Variants in AUTS2 observed in about 807,000 individuals in gnomAD.
AUTS2 encodes the protein activator of transcription and developmental regulator AUTS2.
In AUTS2, 17 loss-of-function variants were observed where a neutral mutation model predicts 112.4. That is an observed-to-expected ratio of 0.15 (90% confidence interval 0.10 to 0.23). AUTS2 has a LOEUF of 0.23. Ranked by LOEUF, AUTS2 falls within the 10% of genes least tolerant of loss-of-function variation. The pLI, the probability that AUTS2 is intolerant of heterozygous loss-of-function variation, is 1.00. For synonymous variants in AUTS2, 751 were observed against 702.7 expected, an observed-to-expected ratio of 1.07 and a Z score of -1.09; for missense variants, 1,510 against 1,701.6, an observed-to-expected ratio of 0.89 and a Z score of 1.98.
At chr7:70,025,346 C>A (rs769688986) in intron 2 of AUTS2, among the ~76,000 whole-genome samples, 16 of 151,974 alleles carry the variant, frequency 1.1e-4, no homozygotes, top group Non-Finnish European at 2.1e-4. Flanking sequence ...ATACTCTCTT[C>A]TGTATCTGCT....
intron 2 of AUTS2, among the ~76,000 whole-genome samples, chr7:69,986,954 G>A (rs1034509579): frequency 2.6e-5 from 4 of 152,076 alleles, no homozygotes; most frequent in Non-Finnish European, 4.4e-5. Context: ...TAGTAGGTTC[G>A]ATATTTAGGA....
chr7:70,258,153 G>A (rs1786980172), intron 4 of AUTS2, among the ~76,000 whole-genome samples: 1 of 152,230 alleles, frequency 6.6e-6, no homozygotes, highest in African/African-American at 2.4e-5. Context: ...GTCAGCACAG[G>A]TTACTCGCTA....
intron 1 of AUTS2, among the ~76,000 whole-genome samples, chr7:69,744,857 A>T (rs1787421195): frequency 6.6e-6 from 1 of 152,158 alleles, no homozygotes; most frequent in Non-Finnish European, 1.5e-5. Context: ...AATATTGCTT[A>T]GAATTTCTAT....
intron 4 of AUTS2, among the ~76,000 whole-genome samples, chr7:70,319,576 T>C (rs1344652784): frequency 6.6e-6 from 1 of 152,192 alleles, no homozygotes; most frequent in Non-Finnish European, 1.5e-5. Flanking sequence ...GTTTGCTAAG[T>C]CTCTCCTGTG....
intron 3 of AUTS2, chr7:70,118,816 A>G (rs1202774946): frequency 2.0e-5 from 3 of 152,162 alleles, no homozygotes; most frequent in Non-Finnish European, 4.4e-5. Context: ...CTGGAAGGAA[A>G]ACCTTGTGAG....
chr7:70,247,616 C>G (rs1458140891), intron 4 of AUTS2, among the ~76,000 whole-genome samples: 1 of 152,166 alleles, frequency 6.6e-6, no homozygotes, highest in African/African-American at 2.4e-5. Context: ...GATTTTGAAT[C>G]TAGCAACCTT....
At chr7:70,676,596 G>T (rs1277256772) in intron 5 of AUTS2, among the ~76,000 whole-genome samples, 3 of 152,066 alleles carry the variant, frequency 2.0e-5, no homozygotes, top group Non-Finnish European at 2.9e-5. Flanking sequence ...CACCTTTCTG[G>T]CCGGGTGCGC....
chr7:70,363,465 G>GAAAAAAAAAAAAAAAAA (rs369462886), intron 4 of AUTS2, among the ~76,000 whole-genome samples: 6 of 110,740 alleles, frequency 5.4e-5, no homozygotes, highest in South Asian at 2.5e-4. Flanking sequence ...ATAAAAAAAA[G>GAAAAAAAAAAAAAAAAA]AAAAAAAAAA....
intron 2 of AUTS2, among the ~76,000 whole-genome samples, chr7:69,914,191 G>A (rs879143416): frequency 6.6e-6 from 1 of 152,088 alleles, no homozygotes; most frequent in African/African-American, 2.4e-5. Flanking sequence ...CACAGTGTTT[G>A]TAGCACATTG....
chr7:70,198,288 C>T (rs2129585010), intron 4 of AUTS2, among the ~76,000 whole-genome samples: 1 of 149,872 alleles, frequency 6.7e-6, no homozygotes, highest in East Asian at 2.0e-4. Flanking sequence ...GAGCGCCTCT[C>T]CTCCTCCAAA....
chr7:69,863,342 A>G (rs1793076834), intron 1 of AUTS2, among the ~76,000 whole-genome samples: 1 of 152,172 alleles, frequency 6.6e-6, no homozygotes, highest in Admixed American at 6.5e-5. Context: ...GATTTAAAAC[A>G]TATGGGAGGA....
intron 5 of AUTS2, among the ~76,000 whole-genome samples, chr7:70,554,295 C>T (rs1801152112): frequency 6.6e-6 from 1 of 151,516 alleles, no homozygotes; most frequent in African/African-American, 2.4e-5. Context: ...TCTCGAACTC[C>T]TGACCTCAGG....
At chr7:70,518,142 A>C (rs1334063618) in intron 5 of AUTS2, among the ~76,000 whole-genome samples, 1 of 152,240 alleles carries the variant, frequency 6.6e-6, no homozygotes, top group Non-Finnish European at 1.5e-5. Context: ...AGCCTGGCTA[A>C]ATTTATTCTA....
intron 4 of AUTS2, among the ~76,000 whole-genome samples, chr7:70,229,767 T>C (rs112895099): frequency 7.7e-6 from 1 of 129,066 alleles, no homozygotes. Flanking sequence ...TTTTTCCCCC[T>C]GTTCTTCAGA....
intron 5 of AUTS2, among the ~76,000 whole-genome samples, chr7:70,670,060 C>T (rs977688268): frequency 1.3e-5 from 2 of 152,200 alleles, no homozygotes; most frequent in African/African-American, 4.8e-5. Context: ...ACTGTAGGCG[C>T]ACCTCAGGCA....
At position 70,038,466 on chromosome 7, in the gene AUTS2, C is replaced by T. The variant is rs142254493; in HGVS notation, c.523-79666C>T. 2.3e-3 allele frequency among the ~76,000 whole-genome samples: 348 copies of T among 152,194 alleles called. 3 individuals carry two copies. Among genetic ancestry groups the T allele is most frequent in the African/African-American group, 8.2e-3 (342 of 41,504 alleles). On this transcript the variant is annotated intron_variant, in intron 2 of 18. Transcript: ENST00000342771. ...AGAAACGTTGACTGGTGATTTATAC[C>T]TTATACCCTCTCATTAAACACTCTT... is the stretch of plus-strand genomic sequence containing the variant.
chr7:70,746,117 T>A (rs1468534308), intron 6 of AUTS2, among the ~76,000 whole-genome samples: 1 of 152,118 alleles, frequency 6.6e-6, no homozygotes, highest in Non-Finnish European at 1.5e-5. Context: ...TTGTGTGTAT[T>A]AAAATATGAA....
intron 2 of AUTS2, among the ~76,000 whole-genome samples, chr7:69,976,099 T>C (rs1189666984): frequency 3.3e-5 from 5 of 152,244 alleles, no homozygotes; most frequent in Non-Finnish European, 7.3e-5. Flanking sequence ...GTGAAACACA[T>C]ATCCAGAAGT....
chr7:70,552,285 C>T (rs1801047057), intron 5 of AUTS2, among the ~76,000 whole-genome samples: 1 of 152,030 alleles, frequency 6.6e-6, no homozygotes, highest in African/African-American at 2.4e-5. Flanking sequence ...TTTTTCCCTC[C>T]CAGAAGCTAA....
Sources: allele counts gnomAD v4.1 joint callset (sites outside exome capture counted in the v4.1 genomes callset), GRCh38; gene constraint gnomAD v4.1.1; transcripts MANE v1.5; gene names NCBI Gene and HGNC (gene_info 2026-07-23, HGNC 2026-07-21).